Variants in KIF21A observed in about 807,000 individuals in gnomAD.
The protein encoded by KIF21A is kinesin family member 21A.
In KIF21A, 114 loss-of-function variants were observed where a neutral mutation model predicts 202.9. That is an observed-to-expected ratio of 0.56 (90% CI 0.48 to 0.66). The LOEUF (loss-of-function observed/expected upper bound fraction) is 0.66. KIF21A is among the 30% of genes least tolerant of loss of function. The probability of loss-of-function intolerance (pLI) is 0.00; values close to 1 mark genes in which losing one functional copy is unlikely to be tolerated. For missense variants in KIF21A, 1,677 were observed against 1,994.9 expected, an observed-to-expected ratio of 0.84 and a Z score of 3.04; for synonymous variants, 667 against 670.8, an observed-to-expected ratio of 0.99 and a Z score of 0.09.
intron 4 of KIF21A, among the ~76,000 whole-genome samples, chr12:39,367,651 A>C (rs1189140623): frequency 6.6e-6 from 1 of 152,184 alleles, no homozygotes; most frequent in Admixed American, 6.5e-5. Context: ...CTGTTCATAA[A>C]TTGCCTTAGA....
intron 1 of KIF21A, among the ~76,000 whole-genome samples, chr12:39,402,678 G>A (rs371274984): frequency 2.0e-5 from 3 of 152,050 alleles, no homozygotes; most frequent in South Asian, 2.1e-4. Flanking sequence ...GGCTGCATGC[G>A]GCCCAGGATG....
intron 37 of KIF21A, among the ~76,000 whole-genome samples, chr12:39,298,341 T>A (rs538590800): frequency 6.6e-6 from 1 of 152,278 alleles, no homozygotes; most frequent in African/African-American, 2.4e-5. Flanking sequence ...CCCTAAAGTC[T>A]TTGACTGAAT....
chr12:39,397,593 A>G (rs1188356206), intron 1 of KIF21A, among the ~76,000 whole-genome samples: 1 of 152,162 alleles, frequency 6.6e-6, no homozygotes, highest in Non-Finnish European at 1.5e-5. Context: ...ACATATTCCT[A>G]TGACCCAGAA....
At chr12:39,308,797 A>T (rs973902857) in intron 33 of KIF21A, among the ~76,000 whole-genome samples, 13 of 152,162 alleles carry the variant, frequency 8.5e-5, no homozygotes, top group Non-Finnish European at 1.8e-4. Context: ...ATATAATAGT[A>T]TTATTTTTCT....
intron 34 of KIF21A, among the ~76,000 whole-genome samples, chr12:39,307,025 T>C (rs1045692448): frequency 1.3e-5 from 2 of 152,208 alleles, no homozygotes; most frequent in East Asian, 3.8e-4. Context: ...GAAATAAAAA[T>C]TGAATGAAAG....
chr12:39,423,894 G>A (rs900790783), intron 1 of KIF21A, among the ~76,000 whole-genome samples: 1 of 139,128 alleles, frequency 7.2e-6, no homozygotes, highest in Non-Finnish European at 1.5e-5. Flanking sequence ...TGAGGCAGGA[G>A]AATCACTTGA....
At chr12:39,325,735 C>T in intron 26 of KIF21A, 104 bp downstream of exon 26, 1 of 802,912 alleles carries the variant, frequency 1.2e-6, no homozygotes, top group Non-Finnish European at 2.2e-6. Flanking sequence ...AAAACCATGC[C>T]CTCTTGCTAA....
chr12:39,305,309 C>A (rs1328799366), intron 34 of KIF21A, among the ~76,000 whole-genome samples: 1 of 142,466 alleles, frequency 7.0e-6, no homozygotes, highest in Non-Finnish European at 1.5e-5. Context: ...GAGGCTGCAG[C>A]AAGCCGAGAT....
intron 1 of KIF21A, among the ~76,000 whole-genome samples, chr12:39,379,197 G>C (rs1031103333): frequency 2.0e-5 from 3 of 151,990 alleles, no homozygotes; most frequent in Non-Finnish European, 2.9e-5. Context: ...GGGCATAGTG[G>C]TGGGCGCCTG....
intron 11 of KIF21A, among the ~76,000 whole-genome samples, chr12:39,349,725 C>G (rs1948210012): frequency 6.6e-6 from 1 of 151,946 alleles, no homozygotes; most frequent in Non-Finnish European, 1.5e-5. Context: ...CTAAGTAAAA[C>G]AGGATTGGTT....
chr12:39,435,829 A>G (rs1370670058), intron 1 of KIF21A, among the ~76,000 whole-genome samples: 3 of 152,170 alleles, frequency 2.0e-5, no homozygotes, highest in African/African-American at 7.2e-5. Flanking sequence ...TTCTATTTAC[A>G]TGTTTAAAAT....
intron 11 of KIF21A, among the ~76,000 whole-genome samples, chr12:39,349,785 T>G (rs1243730974): frequency 1.3e-5 from 2 of 152,072 alleles, no homozygotes; most frequent in Non-Finnish European, 2.9e-5. Flanking sequence ...GTAAGACATA[T>G]TCCATTAAAT....
At chr12:39,416,374 T>G (rs1268032180) in intron 1 of KIF21A, among the ~76,000 whole-genome samples, 1 of 151,904 alleles carries the variant, frequency 6.6e-6, no homozygotes, top group Non-Finnish European at 1.5e-5. Flanking sequence ...GAAGGGCGGA[T>G]CACCTGAGGT....
intron 1 of KIF21A, among the ~76,000 whole-genome samples, chr12:39,398,703 T>C (rs1214502659): frequency 6.6e-6 from 1 of 152,164 alleles, no homozygotes; most frequent in African/African-American, 2.4e-5. Flanking sequence ...AATAAGTATA[T>C]AGTTTACAAG....
At chr12:39,441,579 C>T (rs1939585863) in intron 1 of KIF21A, among the ~76,000 whole-genome samples, 1 of 135,182 alleles carries the variant, frequency 7.4e-6, no homozygotes, top group South Asian at 2.3e-4. Flanking sequence ...CCTAGAATAA[C>T]GAAGAAGGCC....
At chr12:39,429,986 A>C (rs1057475379) in intron 1 of KIF21A, among the ~76,000 whole-genome samples, 1 of 152,296 alleles carries the variant, frequency 6.6e-6, no homozygotes, top group African/African-American at 2.4e-5. Context: ...TATTTTATAC[A>C]TGAGAAAACT....
At chr12:39,331,040 C>T in intron 22 of KIF21A, 129 bp from the exon 23 acceptor site, 2 of 858,864 alleles carry the variant, frequency 2.3e-6, no homozygotes, top group South Asian at 1.4e-5. Flanking sequence ...CATCCCAGCT[C>T]CTCCAGTAAC....
At chr12:39,295,438 AT>A (rs1942213150) in intron 37 of KIF21A, among the ~76,000 whole-genome samples, 1 of 152,178 alleles carries the variant, frequency 6.6e-6, no homozygotes, top group Non-Finnish European at 1.5e-5. Context: ...CACTTCAGAG[AT>A]TATGTATTCC....
intron 1 of KIF21A, among the ~76,000 whole-genome samples, chr12:39,403,475 CTT>C (rs1952338747): frequency 6.6e-6 from 1 of 151,556 alleles, no homozygotes; most frequent in Non-Finnish European, 1.5e-5. Flanking sequence ...TTTTAGATAA[CTT>C]AATATGGTTT....
Sources: gnomAD v4.1 joint callset for allele counts (sites outside exome capture counted in the v4.1 genomes callset) on GRCh38, gnomAD v4.1.1 for gene constraint, MANE v1.5 for transcripts, NCBI Gene and HGNC (gene_info 2026-07-23, HGNC 2026-07-21) for gene names.